L3MBTL1: variants seen among roughly 807,000 people sequenced by gnomAD.
L3MBTL1 encodes the protein L3MBTL histone methyl-lysine binding protein 1.
L3MBTL1 carries 75 observed loss-of-function variants against 105.3 expected under a neutral mutation model. That is an observed-to-expected ratio of 0.71 (90% CI 0.59 to 0.86). L3MBTL1 has a LOEUF of 0.86. Among genes scored for constraint, L3MBTL1 ranks in the 40% least tolerant of loss-of-function variants. The probability of loss-of-function intolerance (pLI) is 0.00; values close to 1 mark genes in which losing one functional copy is unlikely to be tolerated. For missense variants in L3MBTL1, 1,069 were observed against 1,126.4 expected (o/e 0.95, Z 0.73); for synonymous variants, 452 against 436.2 (o/e 1.04, Z -0.45).
At chr20:43,526,491 G>T (rs1160229671) in intron 7 of L3MBTL1, among the ~76,000 whole-genome samples, 1 of 152,210 alleles carries the variant, frequency 6.6e-6, no homozygotes, top group Admixed American at 6.5e-5. Context: ...TTATACTCAG[G>T]ACAAAGGATA....
At chr20:43,516,321 G>C (rs954085630) in intron 7 of L3MBTL1, 144 bp downstream of exon 7, 1 of 643,404 alleles carries the variant, frequency 1.6e-6, no homozygotes, top group Admixed American at 2.5e-5. Flanking sequence ...AAGAGAGAGA[G>C]ACAGTGAGAG....
At chr20:43,530,482 C>A in intron 10 of L3MBTL1, 63 bp downstream of exon 10, 1 of 1,544,256 alleles carries the variant, frequency 6.5e-7, no homozygotes, top group South Asian at 1.2e-5. Context: ...GCTTCTTCCC[C>A]TTGGGTCCCC....
intron 6 of L3MBTL1, 139 bp downstream of exon 6, chr20:43,515,554 C>A: frequency 8.7e-7 from 1 of 1,150,692 alleles, no homozygotes; most frequent in South Asian, 1.6e-5. Flanking sequence ...TTTTGGGGTC[C>A]CATCCTGAGT....
chr20:43,550,418 A>G (rs1463986900), exon 19 of L3MBTL1: 1 of 152,256 alleles, frequency 6.6e-6, no homozygotes, highest in Non-Finnish European at 1.5e-5. Flanking sequence ...TTGAGGCCTC[A>G]GCACTTTCTG....
intron 2 of L3MBTL1, 55 bp downstream of exon 2, chr20:43,513,694 A>G (rs2018203109): frequency 6.5e-7 from 1 of 1,549,062 alleles, no homozygotes; most frequent in African/African-American, 1.4e-5. Context: ...GTACCTGCTC[A>G]AGCAAGTGTG....
intron 8 of L3MBTL1, 182 bp downstream of exon 8, chr20:43,528,927 T>C (rs1346194770): frequency 1.6e-6 from 1 of 614,942 alleles, no homozygotes; most frequent in Non-Finnish European, 2.9e-6. Flanking sequence ...GCTGGCAGGG[T>C]GGGAAGAAAC....
chr20:43,532,974 G>A, intron 12 of L3MBTL1, 50 bp downstream of exon 12: 1 of 1,595,062 alleles, frequency 6.3e-7, no homozygotes, highest in Non-Finnish European at 8.6e-7. Flanking sequence ...GATGGCAGGG[G>A]GCAACTGCTT....
At position 43,515,328 on chromosome 20, in the gene L3MBTL1, C is replaced by T. The variant is rs763438994; in HGVS notation, c.690C>T (p.Ser230=). The T allele has an allele frequency of 7.6e-6, 12 of 1,589,096 alleles. No homozygotes were observed. The highest frequency in any genetic ancestry group is 1.8e-5 in the Admixed American group (1 of 56,172). The change falls in exon 6 of 22, where the codon AGC becomes AGT. Residue 230 remains serine, a synonymous_variant. Coordinates refer to ENST00000418998, the MANE Select transcript of L3MBTL1 (RefSeq NM_001377303.1). The part of the protein sequence containing the change: ...VIVENSSGST[S]ASELLKPMKK... ...TGGAGAACTCCTCAGGCTCTACCAG[C>T]GCTTCTGAGCTCCTCAAACCCATGA... is the stretch of plus-strand genomic sequence containing the variant.
chr20:43,535,047 G>C, intron 16 of L3MBTL1, 105 bp downstream of exon 16: 2 of 714,864 alleles, frequency 2.8e-6, no homozygotes, highest in East Asian at 2.8e-5. Flanking sequence ...ATATGACACA[G>C]AGGGCTCTGA....
Position 43,535,788 on chromosome 20 carries a change from T to C in L3MBTL1, c.1826-49T>C, listed in dbSNP as rs775061037. Reference sequence around the variant, plus strand: ...AAACTGCTCCTTCCGTGCCCCACACTCCCCACCCCCAGGACTCCATGAGGA... The same window carrying C: ...AAACTGCTCCTTCCGTGCCCCACACCCCCCACCCCCAGGACTCCATGAGGA... On this transcript the variant is annotated intron_variant, in intron 16 of 21. Transcript: ENST00000418998. 6.3e-6 allele frequency: 8 copies of C among 1,268,164 alleles called. No individual in the cohort carries two copies. In the South Asian group the frequency reaches 8.4e-5, roughly 13 times the overall value. 78.6% of individuals were successfully genotyped at this position (1,268,164 alleles called of 1,614,324 possible).
chr20:43,522,000 A>T (rs1165782629), intron 7 of L3MBTL1, among the ~76,000 whole-genome samples: 1 of 152,258 alleles, frequency 6.6e-6, no homozygotes, highest in Non-Finnish European at 1.5e-5. Context: ...TGAGCACAGC[A>T]TGAGGTTTCA....
At chr20:43,530,740 C>A (rs2019293290) in intron 10 of L3MBTL1, 58 bp from the exon 11 acceptor site, 6 of 1,490,116 alleles carry the variant, frequency 4.0e-6, no homozygotes, top group Non-Finnish European at 5.6e-6. Context: ...CTGTGGGGTG[C>A]CCTTGCTGTG....
chr20:43,547,294 CG>C (rs1194866003), intron 18 of L3MBTL1, among the ~76,000 whole-genome samples: 1 of 151,910 alleles, frequency 6.6e-6, no homozygotes, highest in Admixed American at 6.6e-5. Flanking sequence ...TTAGTAGAAG[CG>C]GGGTTTCACT....
In L3MBTL1 at chr20:43,513,899, G is replaced by A. The variant is rs1434502612; in HGVS notation, c.198G>A (p.Glu66=). ...TGGATGTGTCTTGCTTTCCCCGGGA[G>A]CCAATCCATGTGGGTGCCCCGGAGC... ...SALDVSCFPR[E]PIHVGAPEQV... Residue 66 remains glutamate, a synonymous_variant, in exon 3 of 22, where the codon GAG becomes GAA. Coordinates refer to ENST00000418998, the MANE Select transcript of L3MBTL1 (RefSeq NM_001377303.1). 14 of 1,550,492 alleles carry A rather than the reference G, an allele frequency of 9.0e-6. No individual in the cohort carries two copies. Among genetic ancestry groups the A allele is most frequent in the Non-Finnish European group, 1.2e-5 (14 of 1,147,004 alleles).
Position 43,534,628 on chromosome 20 carries a change from G to A in L3MBTL1, c.1711-200G>A, listed in dbSNP as rs1020187683. 1.5e-4 allele frequency: 91 copies of A among 607,352 alleles called. 1 individual carries two copies. In the South Asian group the frequency reaches 1.7e-3, roughly 11 times the overall value. 37.6% of individuals were successfully genotyped at this position (607,352 alleles called of 1,614,324 possible). A position where few individuals can be genotyped will look rare whatever the true frequency, so the allele number is the denominator to read the frequency against. Reference sequence around the variant, plus strand: ...ATAATCCTCGTCCCACCTAAGGATTGCCAGTGGGAGATGCCAGTAACTTAA... The same window carrying A: ...ATAATCCTCGTCCCACCTAAGGATTACCAGTGGGAGATGCCAGTAACTTAA... On this transcript the variant is annotated intron_variant, in intron 15 of 21. Transcript: ENST00000418998.
rs1176856356 is a variant in L3MBTL1, at chr20:43,522,457, G to GTTTTTTT, written c.863-6175_863-6169dup. On this transcript the variant is annotated intron_variant, in intron 7 of 21. Transcript: ENST00000418998. The stretch of plus-strand genomic sequence containing the variant: ...TGGTAACTGAATTTTTCCCTGCTAA[G>GTTTTTTT]TTTTTTTTTTTTTTTTTTTTTTTTT... Among the ~76,000 whole-genome samples, 31 of 95,874 alleles carry GTTTTTTT rather than the reference G, an allele frequency of 3.2e-4. 2 individuals are homozygous for GTTTTTTT. The highest frequency in any genetic ancestry group is 4.1e-4 in the Non-Finnish European group (22 of 53,120). 62.9% of individuals were successfully genotyped at this position (95,874 alleles called of 152,430 possible).
Position 43,522,456 on chromosome 20 carries a change from A to ATTTTTTTTTTTTTTTTTTTT in L3MBTL1, c.863-6201_863-6200insTTTTTTTTTTTTTTTTTTTT, listed in dbSNP as rs778355165. Among the ~76,000 whole-genome samples, 6 of 89,870 alleles carry ATTTTTTTTTTTTTTTTTTTT rather than the reference A, an allele frequency of 6.7e-5. 3 individuals carry two copies. Among genetic ancestry groups the ATTTTTTTTTTTTTTTTTTTT allele is most frequent in the Non-Finnish European group, 9.3e-5 (4 of 43,200 alleles). The allele number at this position is 89,870 out of a possible 152,430, so 59.0% of individuals were successfully genotyped here. A position where few individuals can be genotyped will look rare whatever the true frequency, so the allele number is the denominator to read the frequency against. ...ATGGTAACTGAATTTTTCCCTGCTA[A>ATTTTTTTTTTTTTTTTTTTT]GTTTTTTTTTTTTTTTTTTTTTTTT... On this transcript the variant is annotated intron_variant, in intron 7 of 21. Transcript: ENST00000418998.
chr20:43,529,333 C>T lies in L3MBTL1; in HGVS notation c.1021C>T (p.His341Tyr), dbSNP rs911381690. The T allele has an allele frequency of 6.2e-7, 1 of 1,613,212 alleles. No homozygotes were observed. The highest frequency in any genetic ancestry group is 8.5e-7 in the Non-Finnish European group (1 of 1,179,676). ...GAAGTTGGAAGGCATTGACCCTCAACACCCGTCCATGTACTTCATCCTCAC... is the reference window on the plus strand; with the variant it reads ...GAAGTTGGAAGGCATTGACCCTCAATACCCGTCCATGTACTTCATCCTCAC... ...GMKLEGIDPQHPSMYFILTVA... is the reference protein window; with the variant it reads ...GMKLEGIDPQYPSMYFILTVA... Residue 341 changes from histidine (H) to tyrosine (Y), a missense_variant, in exon 9 of 22, where the codon CAC becomes TAC. By Grantham distance (83) the His-to-Tyr change is moderately conservative (BLOSUM62 2). Coordinates refer to ENST00000418998, the MANE Select transcript of L3MBTL1 (RefSeq NM_001377303.1).
At chr20:43,508,361 G>A (rs920945896) in intron 1 of L3MBTL1, among the ~76,000 whole-genome samples, 12 of 152,130 alleles carry the variant, frequency 7.9e-5, no homozygotes, top group African/African-American at 2.9e-4. Context: ...GGAACCCTGC[G>A]CTCAGGGCCG....
Sources: allele counts gnomAD v4.1 joint callset (sites outside exome capture counted in the v4.1 genomes callset), GRCh38; gene constraint gnomAD v4.1.1; transcripts MANE v1.5; gene names NCBI Gene and HGNC (gene_info 2026-07-23, HGNC 2026-07-21).